Variants in TRPS1 observed in about 807,000 individuals in gnomAD.
TRPS1 encodes the protein zinc finger transcription factor Trps1.
A neutral mutation model predicts 101.2 loss-of-function variants in TRPS1; 6 were observed. The observed-to-expected ratio is 0.06, with a 90% confidence interval of 0.03 to 0.12. The LOEUF (loss-of-function observed/expected upper bound fraction) is 0.12. TRPS1 is among the 10% of genes least tolerant of loss of function. The probability of loss-of-function intolerance (pLI) is 1.00; values close to 1 mark genes in which losing one functional copy is unlikely to be tolerated. For missense variants in TRPS1, 1,363 were observed against 1,567.0 expected, an observed-to-expected ratio of 0.87 and a Z score of 2.20; for synonymous variants, 578 against 589.8, an observed-to-expected ratio of 0.98 and a Z score of 0.29.
At chr8:115,632,905 T>C (rs1414365826) in intron 1 of TRPS1, among the ~76,000 whole-genome samples, 2 of 152,134 alleles carry the variant, frequency 1.3e-5, no homozygotes, top group Non-Finnish European at 1.5e-5. Flanking sequence ...TGAGTGATAG[T>C]TACACAGGTG....
intron 5 of TRPS1, among the ~76,000 whole-genome samples, chr8:115,578,555 A>G (rs1817372946): frequency 1.3e-5 from 2 of 152,108 alleles, no homozygotes; most frequent in African/African-American, 4.8e-5. Context: ...TCCATGGTAT[A>G]ATGAGGCACA....
chr8:115,422,268 C>T (rs571259805), intron 5 of TRPS1, among the ~76,000 whole-genome samples: 1 of 151,952 alleles, frequency 6.6e-6, no homozygotes, highest in East Asian at 1.9e-4. Flanking sequence ...TTTTAAATGT[C>T]GTCCATTCAG....
At chr8:115,582,304 A>C (rs1255261756) in intron 5 of TRPS1, among the ~76,000 whole-genome samples, 1 of 152,172 alleles carries the variant, frequency 6.6e-6, no homozygotes, top group African/African-American at 2.4e-5. Flanking sequence ...GTGGTTGTAA[A>C]GGCATTCAAC....
chr8:115,524,932 C>A (rs569352380), intron 5 of TRPS1, among the ~76,000 whole-genome samples: 1 of 152,124 alleles, frequency 6.6e-6, no homozygotes, highest in African/African-American at 2.4e-5. Flanking sequence ...ATTTCTTGAA[C>A]TTTTACAAAG....
chr8:115,596,203 A>G (rs1817780987), intron 4 of TRPS1, among the ~76,000 whole-genome samples: 1 of 151,942 alleles, frequency 6.6e-6, no homozygotes, highest in Admixed American at 6.6e-5. Context: ...GTCATCGCAT[A>G]CACTACCAAA....
At chr8:115,512,222 G>A (rs1295856080) in intron 5 of TRPS1, among the ~76,000 whole-genome samples, 1 of 151,636 alleles carries the variant, frequency 6.6e-6, no homozygotes, top group African/African-American at 2.4e-5. Context: ...AAAACAGTAT[G>A]TTCATGTACT....
intron 5 of TRPS1, among the ~76,000 whole-genome samples, chr8:115,510,388 G>C (rs1401177882): frequency 6.6e-6 from 1 of 151,900 alleles, no homozygotes; most frequent in African/African-American, 2.4e-5. Context: ...TGAACTGATT[G>C]ATCACTCATG....
intron 5 of TRPS1, among the ~76,000 whole-genome samples, chr8:115,426,369 C>T (rs1163845107): frequency 1.3e-5 from 2 of 151,940 alleles, no homozygotes; most frequent in Admixed American, 6.6e-5. Flanking sequence ...ATAAAAATAT[C>T]AGCGATGAAG....
intron 3 of TRPS1, among the ~76,000 whole-genome samples, chr8:115,605,529 G>A (rs1255455152): frequency 6.6e-6 from 1 of 152,044 alleles, no homozygotes; most frequent in Non-Finnish European, 1.5e-5. Context: ...GTAAAATAAA[G>A]GTGCTCCAAT....
At chr8:115,516,904 A>G (rs1815725743) in intron 5 of TRPS1, among the ~76,000 whole-genome samples, 1 of 151,666 alleles carries the variant, frequency 6.6e-6, no homozygotes, top group East Asian at 1.9e-4. Context: ...CATATTTTAT[A>G]ATTGTGTGAA....
At chr8:115,598,502 C>T (rs377625330) in intron 4 of TRPS1, among the ~76,000 whole-genome samples, 8 of 152,060 alleles carry the variant, frequency 5.3e-5, no homozygotes, top group Admixed American at 1.3e-4. Context: ...TTTTTAGAGA[C>T]GAGATCTTGG....
intron 4 of TRPS1, among the ~76,000 whole-genome samples, chr8:115,592,602 C>G (rs1290606256): frequency 6.6e-6 from 1 of 152,106 alleles, no homozygotes; most frequent in Admixed American, 6.6e-5. Context: ...ATTATCAGTT[C>G]TAACTGAAGG....
chr8:115,658,479 A>G (rs1189096544), intron 1 of TRPS1, among the ~76,000 whole-genome samples: 3 of 152,116 alleles, frequency 2.0e-5, no homozygotes, highest in Admixed American at 2.0e-4. Context: ...TTCTGTTCAG[A>G]TATATATACA....
At chr8:115,462,951 G>A (rs1814224543) in intron 5 of TRPS1, among the ~76,000 whole-genome samples, 1 of 152,068 alleles carries the variant, frequency 6.6e-6, no homozygotes, top group African/African-American at 2.4e-5. Flanking sequence ...ACCAAATACA[G>A]GATCCTTCTT....
At chr8:115,653,273 C>A (rs1021620017) in intron 1 of TRPS1, among the ~76,000 whole-genome samples, 1 of 151,906 alleles carries the variant, frequency 6.6e-6, no homozygotes, top group African/African-American at 2.4e-5. Context: ...ATAAGGTATA[C>A]AATGAATGGT....
rs572454641 is a variant in TRPS1, at chr8:115,535,657, C to G, written c.2700+51344G>C. On this transcript the variant is annotated intron_variant, in intron 5 of 6. Coordinates refer to ENST00000395715, the MANE Select transcript of TRPS1 (RefSeq NM_014112.5). ...TGGGCAGATCACGAGGTCAGGAGATCAAGACCATCCTGGCTAACACGGTGA... is the reference window on the plus strand; with the variant it reads ...TGGGCAGATCACGAGGTCAGGAGATGAAGACCATCCTGGCTAACACGGTGA... Among the ~76,000 whole-genome samples the G allele has an allele frequency of 1.4e-4, 21 of 150,344 alleles. No individual in the cohort carries two copies. The East Asian group carries it at 3.9e-3, about 28-fold the overall frequency.
At chr8:115,554,212 T>G (rs555040047) in intron 5 of TRPS1, among the ~76,000 whole-genome samples, 2 of 152,296 alleles carry the variant, frequency 1.3e-5, no homozygotes, top group African/African-American at 4.8e-5. Context: ...TGAAACTGGC[T>G]CAGCATTTCT....
At chr8:115,575,470 G>A (rs150527784) in intron 5 of TRPS1, among the ~76,000 whole-genome samples, 30 of 152,182 alleles carry the variant, frequency 2.0e-4, no homozygotes, top group South Asian at 8.3e-4. Flanking sequence ...CATTAAAAAC[G>A]TTGAAAACTT....
rs146507281 is a variant in TRPS1 at position 115,517,759 on chromosome 8, C to A, written c.2700+69242G>T. Reference sequence around the variant, plus strand: ...CTATGTAGGAGAGACCAAAAAGTCACCTGACAATCTTTCATCAATCTCAAA... The same window carrying A: ...CTATGTAGGAGAGACCAAAAAGTCAACTGACAATCTTTCATCAATCTCAAA... On this transcript the variant is annotated intron_variant, in intron 5 of 6. Coordinates refer to ENST00000395715, the MANE Select transcript of TRPS1 (RefSeq NM_014112.5). Among the ~76,000 whole-genome samples, 1,232 of 151,798 alleles carry A rather than the reference C, an allele frequency of 8.1e-3. 19 individuals are homozygous for A. The highest frequency in any genetic ancestry group is 0.028 in the African/African-American group (1,169 of 41,476).
Sources: gnomAD v4.1 joint callset for allele counts (sites outside exome capture counted in the v4.1 genomes callset) on GRCh38, gnomAD v4.1.1 for gene constraint, MANE v1.5 for transcripts, NCBI Gene and HGNC (gene_info 2026-07-23, HGNC 2026-07-21) for gene names.